The following GRID2 variants were observed in gnomAD, a reference collection of about 807,000 sequenced individuals.
The protein encoded by GRID2 is glutamate ionotropic receptor delta type subunit 2.
A neutral mutation model predicts 114.8 loss-of-function variants in GRID2; 33 were observed. The observed-to-expected ratio is 0.29, with a 90% CI of 0.22 to 0.38. GRID2 has a LOEUF of 0.38. GRID2 is among the 10% of genes least tolerant of loss of function. The probability of loss-of-function intolerance (pLI) is 1.00; values close to 1 mark genes in which losing one functional copy is unlikely to be tolerated. For missense variants in GRID2, 1,184 were observed against 1,257.7 expected, an observed-to-expected ratio of 0.94 and a Z score of 0.89; for synonymous variants, 505 against 449.9, an observed-to-expected ratio of 1.12 and a Z score of -1.55.
At chr4:93,303,252 G>T (rs1048366873) in intron 8 of GRID2, among the ~76,000 whole-genome samples, 3 of 152,108 alleles carry the variant, frequency 2.0e-5, no homozygotes, top group Non-Finnish European at 2.9e-5. Context: ...CATGAGATTT[G>T]GGCAGGGACA....
intron 2 of GRID2, among the ~76,000 whole-genome samples, chr4:92,803,286 G>A (rs1418678513): frequency 2.0e-5 from 3 of 151,914 alleles, no homozygotes; most frequent in African/African-American, 7.2e-5. Flanking sequence ...GATCACAAAA[G>A]TAAGGTGTAA....
intron 10 of GRID2, among the ~76,000 whole-genome samples, chr4:93,434,569 A>C (rs1580074514): frequency 6.6e-6 from 1 of 152,124 alleles, no homozygotes; most frequent in Non-Finnish European, 1.5e-5. Context: ...ACAAAAAAAA[A>C]CAGCCTTTAT....
intron 2 of GRID2, among the ~76,000 whole-genome samples, chr4:92,806,303 A>G (rs1412932492): frequency 6.6e-6 from 1 of 151,806 alleles, no homozygotes; most frequent in African/African-American, 2.4e-5. Context: ...ACTATCTCTT[A>G]CACAAAGAAT....
At chr4:93,700,895 A>G (rs1727450971) in intron 14 of GRID2, among the ~76,000 whole-genome samples, 1 of 152,124 alleles carries the variant, frequency 6.6e-6, no homozygotes, top group African/African-American at 2.4e-5. Flanking sequence ...GAAGCTATCA[A>G]TTCTTTCTTT....
At chr4:92,382,909 A>G (rs1259328483) in intron 1 of GRID2, among the ~76,000 whole-genome samples, 2 of 151,994 alleles carry the variant, frequency 1.3e-5, no homozygotes, top group African/African-American at 4.8e-5. Context: ...TAATTTATAA[A>G]GAAAAGAGGT....
chr4:92,569,983 T>G (rs1377089151), intron 1 of GRID2, among the ~76,000 whole-genome samples: 3 of 152,156 alleles, frequency 2.0e-5, no homozygotes, highest in Non-Finnish European at 4.4e-5. Flanking sequence ...ATCTGTCAAT[T>G]TTTGCTTTTG....
chr4:93,500,286 T>C (rs1015301782), intron 12 of GRID2, among the ~76,000 whole-genome samples: 9 of 151,980 alleles, frequency 5.9e-5, no homozygotes, highest in African/African-American at 2.2e-4. Context: ...GTGTAGTGTT[T>C]AGTGTAAAGA....
chr4:92,883,998 C>T (rs1481993383), intron 2 of GRID2, among the ~76,000 whole-genome samples: 2 of 152,152 alleles, frequency 1.3e-5, no homozygotes, highest in African/African-American at 4.8e-5. Flanking sequence ...ATTGACTTCT[C>T]CTCTTTAGCT....
At chr4:92,701,293 G>T (rs780840412) in intron 2 of GRID2, among the ~76,000 whole-genome samples, 1 of 151,990 alleles carries the variant, frequency 6.6e-6, no homozygotes, top group Non-Finnish European at 1.5e-5. Context: ...CTAACCCTTG[G>T]TATGATTATC....
At chr4:92,950,366 G>T (rs1751939151) in intron 2 of GRID2, among the ~76,000 whole-genome samples, 1 of 152,154 alleles carries the variant, frequency 6.6e-6, no homozygotes. Context: ...CAAAGACAGT[G>T]TAAATTATGG....
chr4:93,007,590 C>G (rs1013660656), intron 2 of GRID2, among the ~76,000 whole-genome samples: 2 of 152,004 alleles, frequency 1.3e-5, no homozygotes, highest in Non-Finnish European at 2.9e-5. Context: ...ATGAGTATAT[C>G]TAACTTAGGG....
chr4:93,391,677 A>T (rs1466864715), intron 8 of GRID2, among the ~76,000 whole-genome samples: 1 of 152,196 alleles, frequency 6.6e-6, no homozygotes, highest in Non-Finnish European at 1.5e-5. Flanking sequence ...ACTGCCTGAA[A>T]AATAATGTAA....
At chr4:92,914,336 C>T (rs1406717204) in intron 2 of GRID2, among the ~76,000 whole-genome samples, 1 of 152,036 alleles carries the variant, frequency 6.6e-6, no homozygotes. Context: ...AAATTTCCCT[C>T]TTATACTATG....
At chr4:93,041,462 CT>C (rs1725507610) in intron 2 of GRID2, among the ~76,000 whole-genome samples, 1 of 152,106 alleles carries the variant, frequency 6.6e-6, no homozygotes, top group South Asian at 2.1e-4. Flanking sequence ...CTTACAATCT[CT>C]GAAAGTTGAC....
At chr4:93,712,060 C>A (rs1339380256) in intron 14 of GRID2, among the ~76,000 whole-genome samples, 1 of 152,018 alleles carries the variant, frequency 6.6e-6, no homozygotes, top group Non-Finnish European at 1.5e-5. Flanking sequence ...TTGTTGTTTT[C>A]ATGTGTTACA....
At chr4:92,505,616 G>A (rs530263860) in intron 1 of GRID2, among the ~76,000 whole-genome samples, 8 of 151,936 alleles carry the variant, frequency 5.3e-5, no homozygotes, top group Non-Finnish European at 1.2e-4. Context: ...GGGGAGTGGA[G>A]GAGAGGGAGT....
At chr4:92,653,241 A>G (rs1003775222) in intron 2 of GRID2, among the ~76,000 whole-genome samples, 3 of 150,158 alleles carry the variant, frequency 2.0e-5, no homozygotes, top group East Asian at 4.0e-4. Context: ...CTCGTGATCC[A>G]GCCCCGCTCG....
At chr4:93,106,210 ATAT>A (rs1732213974) in intron 3 of GRID2, among the ~76,000 whole-genome samples, 3 of 152,204 alleles carry the variant, frequency 2.0e-5, no homozygotes, top group African/African-American at 2.4e-5. Flanking sequence ...GTCAGGAACC[ATAT>A]ATTCTTTATT....
At chr4:92,826,313 T>G (rs1461831782) in intron 2 of GRID2, among the ~76,000 whole-genome samples, 3 of 152,144 alleles carry the variant, frequency 2.0e-5, no homozygotes, top group Non-Finnish European at 4.4e-5. Flanking sequence ...AAGACTCTTT[T>G]GCTCTTTACA....
Sources: allele counts gnomAD v4.1 joint callset (sites outside exome capture counted in the v4.1 genomes callset), GRCh38; gene constraint gnomAD v4.1.1; transcripts MANE v1.5; gene names NCBI Gene and HGNC (gene_info 2026-07-23, HGNC 2026-07-21).